The following FBXO31 variants were observed in gnomAD, a reference collection of about 807,000 sequenced individuals.
FBXO31 encodes the protein F-box protein 31, also known as F-box only protein 31.
FBXO31 carries 24 observed loss-of-function variants against 54.4 expected under a neutral mutation model. The ratio of observed to expected loss-of-function variants is 0.44; its 90% CI spans 0.32 to 0.62. The LOEUF (loss-of-function observed/expected upper bound fraction) is 0.62, where lower values mean the gene tolerates loss of function less well. FBXO31 is among the 20% of genes least tolerant of loss of function. FBXO31 has a pLI of 0.05. For synonymous variants in FBXO31, 388 were observed against 335.6 expected (o/e 1.16, Z -1.71); for missense variants, 665 against 787.1 (o/e 0.84, Z 1.86).
chr16:87,365,316 A>C (rs1180745354), intron 1 of FBXO31, among the ~76,000 whole-genome samples: 2 of 151,910 alleles, frequency 1.3e-5, no homozygotes, highest in Non-Finnish European at 2.9e-5. Context: ...CCACTCCTTA[A>C]AACAAATATT....
intron 1 of FBXO31, among the ~76,000 whole-genome samples, chr16:87,365,195 G>A (rs1906316152): frequency 6.6e-6 from 1 of 150,722 alleles, no homozygotes; most frequent in Non-Finnish European, 1.5e-5. Context: ...CTCTGGGCCA[G>A]GCCAAGGGGT....
intron 2 of FBXO31, among the ~76,000 whole-genome samples, chr16:87,351,434 T>A (rs888095331): frequency 1.3e-5 from 2 of 152,124 alleles, no homozygotes; most frequent in African/African-American, 4.8e-5. Flanking sequence ...AGGAACAACG[T>A]TCCCCGCACT....
intron 1 of FBXO31, among the ~76,000 whole-genome samples, chr16:87,368,509 A>C (rs1320531158): frequency 6.6e-6 from 1 of 151,312 alleles, no homozygotes; most frequent in Non-Finnish European, 1.5e-5. Context: ...ATCCAACCCA[A>C]CTCCAGACGG....
chr16:87,387,237 C>T (rs935999149), upstream of FBXO31, among the ~76,000 whole-genome samples: 6 of 152,176 alleles, frequency 3.9e-5, no homozygotes, highest in East Asian at 9.6e-4. Context: ...AACTACTACA[C>T]ATTGAATCCT....
intron 3 of FBXO31, among the ~76,000 whole-genome samples, chr16:87,344,574 G>A (rs998003919): frequency 5.3e-5 from 8 of 152,232 alleles, no homozygotes; most frequent in African/African-American, 1.2e-4. Flanking sequence ...TGGGTCAAGC[G>A]TGAGCTGGTG....
upstream of FBXO31, among the ~76,000 whole-genome samples, chr16:87,385,737 G>A (rs1336217836): frequency 1.3e-5 from 2 of 152,132 alleles, no homozygotes; most frequent in Non-Finnish European, 2.9e-5. Context: ...GGCCAGGCCT[G>A]GTGGCTCACA....
rs1177551484 is a variant in FBXO31 at position 87,335,588 on chromosome 16, CCA to C, written c.843-133_843-132del. On this transcript the variant is annotated intron_variant, in intron 6 of 8. Coordinates refer to ENST00000311635, the MANE Select transcript of FBXO31 (RefSeq NM_024735.5). This position sits in a 1 kb window ranked among gnomAD's most constrained non-coding sequence, Gnocchi z 5.7. ...GCTCAGCTCAACCAGGGCCAGGTGT[CCA>C]CCAGGCCTGTGGGCAGCAATGCGCC... 1 of 1,072,058 alleles carries C rather than the reference CCA, an allele frequency of 9.3e-7. No individual in the cohort carries two copies. The highest frequency in any genetic ancestry group is 1.3e-6 in the Non-Finnish European group (1 of 757,020). The allele number at this position is 1,072,058 out of a possible 1,614,324, so 66.4% of individuals were successfully genotyped here.
intron 8 of FBXO31, among the ~76,000 whole-genome samples, chr16:87,332,519 T>C (rs907603677): frequency 5.3e-5 from 8 of 152,224 alleles, no homozygotes; most frequent in Admixed American, 2.0e-4. Flanking sequence ...TATTCAAACA[T>C]TTATATTAGC....
At chr16:87,387,815 AAAAGAAAG>A (rs1032659547), upstream of FBXO31, among the ~76,000 whole-genome samples, 2 of 152,180 alleles carry the variant, frequency 1.3e-5, no homozygotes, top group African/African-American at 4.8e-5. Context: ...AGAGAGAAAA[AAAAGAAAG>A]AAAGAAAGCC....
At chr16:87,366,468 A>G (rs751787866) in intron 1 of FBXO31, among the ~76,000 whole-genome samples, 4 of 152,208 alleles carry the variant, frequency 2.6e-5, no homozygotes, top group Non-Finnish European at 4.4e-5. Context: ...GCAAGATCAG[A>G]GCAGAGCAGT....
intron 8 of FBXO31, among the ~76,000 whole-genome samples, chr16:87,333,367 G>A (rs911241016): frequency 2.0e-5 from 3 of 152,228 alleles, no homozygotes; most frequent in African/African-American, 7.2e-5. Context: ...AGAGGAGGGA[G>A]GGGGCAGGAA....
rs1905000826 is a variant in FBXO31 at position 87,335,049 on chromosome 16, G to A, written c.996+255C>T. On this transcript the variant is annotated intron_variant, in intron 7 of 8. Coordinates refer to ENST00000311635, the MANE Select transcript of FBXO31 (RefSeq NM_024735.5). The surrounding 1 kb of genome is among the most constrained non-coding windows in gnomAD (Gnocchi z 5.7). ...CCACAGGGCTGCCAGGGTGGCCGGGGCTGAGCGGTGCTGTGGGAAGGCCAC... is the reference window on the plus strand; with the variant it reads ...CCACAGGGCTGCCAGGGTGGCCGGGACTGAGCGGTGCTGTGGGAAGGCCAC... Among the ~76,000 whole-genome samples, 1 of 152,226 alleles carries A rather than the reference G, an allele frequency of 6.6e-6. No homozygotes were observed. Among genetic ancestry groups the A allele is most frequent in the African/African-American group, 2.4e-5 (1 of 41,462 alleles).
rs369904076 is a variant in FBXO31 at position 87,328,579 on chromosome 16, G to A, written c.*2709C>T. The A allele has an allele frequency of 3.9e-5, 6 of 152,272 alleles. No homozygotes were observed. The highest frequency in any genetic ancestry group is 9.6e-5 in the African/African-American group (4 of 41,470). 9.4% of individuals were successfully genotyped at this position (152,272 alleles called of 1,614,324 possible). Reference sequence around the variant, plus strand: ...GAATCTCAGCCTGCAGAAGTCGTTTGCAACTTCCTCATGCAAATGAACATT... The same window carrying A: ...GAATCTCAGCCTGCAGAAGTCGTTTACAACTTCCTCATGCAAATGAACATT... On this transcript the variant is annotated 3_prime_UTR_variant, in exon 9 of 9. Coordinates refer to ENST00000311635, the MANE Select transcript of FBXO31 (RefSeq NM_024735.5).
intron 2 of FBXO31, among the ~76,000 whole-genome samples, chr16:87,355,568 T>G (rs139757787): frequency 1.3e-5 from 2 of 152,352 alleles, no homozygotes; most frequent in African/African-American, 4.8e-5. Context: ...GTTTTTCATT[T>G]TATTTTCTAA....
upstream of FBXO31, among the ~76,000 whole-genome samples, chr16:87,388,170 T>C (rs1907391174): frequency 6.6e-6 from 1 of 152,224 alleles, no homozygotes; most frequent in South Asian, 2.1e-4. Flanking sequence ...GTGACTGATT[T>C]GTCAGTGCTT....
chr16:87,344,198 C>T (rs1309556857), intron 3 of FBXO31, among the ~76,000 whole-genome samples: 1 of 152,266 alleles, frequency 6.6e-6, no homozygotes, highest in Non-Finnish European at 1.5e-5. Flanking sequence ...GGCAGTGACA[C>T]GGAGATGCAG....
chr16:87,357,558 C>T (rs1905951307), intron 2 of FBXO31, among the ~76,000 whole-genome samples: 1 of 152,076 alleles, frequency 6.6e-6, no homozygotes, highest in Admixed American at 6.5e-5. Context: ...GAACTCCTGA[C>T]CTCAGATGAT....
rs992647446 is a variant in FBXO31, at chr16:87,343,545, C to T, written c.657+53G>A. 5 of 1,547,834 alleles carry T rather than the reference C, an allele frequency of 3.2e-6. No homozygotes were observed. The African/African-American group carries it at 5.5e-5, about 17-fold the overall frequency. ...ATAGCACGGCAGGCCTGGCTGGAGC[C>T]CACACAGGACAGCCCTGGGACAGTG... On this transcript the variant is annotated intron_variant, in intron 4 of 8. Coordinates refer to ENST00000311635, the MANE Select transcript of FBXO31 (RefSeq NM_024735.5).
chr16:87,339,898 G>T (rs1213468630), intron 5 of FBXO31, among the ~76,000 whole-genome samples: 1 of 152,240 alleles, frequency 6.6e-6, no homozygotes, highest in Non-Finnish European at 1.5e-5. Flanking sequence ...ACTTTGGGAG[G>T]CTGAGGTAGG....
Sources: gnomAD v4.1 joint callset for allele counts (sites outside exome capture counted in the v4.1 genomes callset) on GRCh38, gnomAD v4.1.1 for gene constraint, Gnocchi (gnomAD v3.1) non-coding constraint, MANE v1.5 for transcripts, NCBI Gene and HGNC (gene_info 2026-07-23, HGNC 2026-07-21) for gene names.